CDKN3: variants seen among roughly 807,000 people sequenced by gnomAD.
CDKN3 encodes cyclin-dependent kinase inhibitor 3.
A neutral mutation model predicts 36.1 loss-of-function variants in CDKN3; 19 were observed. That is an observed-to-expected ratio of 0.53 (90% CI 0.37 to 0.77). The LOEUF (loss-of-function observed/expected upper bound fraction) is 0.77, where lower values mean the gene tolerates loss of function less well. Among genes scored for constraint, CDKN3 ranks in the 30% least tolerant of loss-of-function variants. CDKN3 has a pLI of 0.00. For synonymous variants in CDKN3, 71 were observed against 85.3 expected (o/e 0.83, Z 0.92); for missense variants, 188 against 248.6 (o/e 0.76, Z 1.64).
chr14:54,412,375 C>T (rs942958144), intron 5 of CDKN3, among the ~76,000 whole-genome samples: 10 of 114,838 alleles, frequency 8.7e-5, no homozygotes, highest in African/African-American at 2.9e-4. Flanking sequence ...ACAGGGAGAC[C>T]CCATCTAGAA....
intron 5 of CDKN3, chr14:54,413,525 A>T (rs903740641): frequency 2.0e-6 from 2 of 976,208 alleles, no homozygotes; most frequent in African/African-American, 3.2e-5. Flanking sequence ...TAGACAGTAG[A>T]TGGGTGACTT....
chr14:54,401,456 T>A (rs550260438), intron 2 of CDKN3, 68 bp from the exon 3 acceptor site: 2 of 1,080,670 alleles, frequency 1.9e-6, no homozygotes, highest in African/African-American at 1.6e-5. Flanking sequence ...CCATATTGAT[T>A]AAACTGAATT....
chr14:54,415,836 T>C, intron 5 of CDKN3, 63 bp from the exon 6 acceptor site: 1 of 1,170,042 alleles, frequency 8.5e-7, no homozygotes, highest in African/African-American at 1.5e-5. Flanking sequence ...AAAGAGCAAG[T>C]CTTTAGTTGT....
intron 5 of CDKN3, chr14:54,412,739 C>G: frequency 2.7e-6 from 1 of 371,776 alleles, no homozygotes. Flanking sequence ...AAGTGAAACA[C>G]ACAAAGCAAC....
intron 3 of CDKN3, among the ~76,000 whole-genome samples, chr14:54,408,151 A>G (rs902704118): frequency 6.6e-6 from 1 of 152,230 alleles, no homozygotes; most frequent in African/African-American, 2.4e-5. Context: ...TGCTGGTCAA[A>G]TGGTAGTTCT....
At chr14:54,416,807 C>T (rs1437721463) in intron 6 of CDKN3, among the ~76,000 whole-genome samples, 4 of 152,050 alleles carry the variant, frequency 2.6e-5, no homozygotes, top group African/African-American at 9.7e-5. Context: ...AAAGTGAGAT[C>T]GTCTCTCTCA....
Position 54,417,929 on chromosome 14 carries a change from C to A in CDKN3, c.530C>A (p.Ser177Tyr). 6.3e-7 allele frequency: 1 copy of A among 1,589,996 alleles called. No individual in the cohort carries two copies. Among genetic ancestry groups the A allele is most frequent in the Non-Finnish European group, 8.6e-7 (1 of 1,166,756 alleles). ...AIDSLRDLRG[S>Y]GAIQTIKQYN... Reference sequence around the variant, plus strand: ...GACAGCCTGCGAGACCTAAGAGGATCCGGGGCAATACAGACCATCAAGGTG... The same window carrying A: ...GACAGCCTGCGAGACCTAAGAGGATACGGGGCAATACAGACCATCAAGGTG... The change falls in exon 7 of 8, where the codon TCC (serine) becomes TAC (tyrosine). Residue 177 changes from serine (S) to tyrosine (Y), a missense_variant. Transcript: ENST00000335183.
rs2029939834 is a variant in CDKN3, at chr14:54,401,524, GCTAT to G, written c.96_99del (p.Ser33CysfsTer4). On this transcript the variant is annotated frameshift_variant and splice_region_variant, in exon 3 of 8. Transcript: ENST00000335183. LOFTEE classifies it high-confidence loss of function. ...CATGAAAAATTTTTCTTCTTTTCAG[GCTAT>G]CTTTGTCACGAGTGAATTGTTCTCA... 1.2e-6 allele frequency: 2 copies of G among 1,601,480 alleles called. No individual in the cohort carries two copies. The highest frequency in any genetic ancestry group is 1.7e-5 in the Admixed American group (1 of 59,166).
At chr14:54,416,440 T>C (rs1441974976) in intron 6 of CDKN3, among the ~76,000 whole-genome samples, 2 of 152,170 alleles carry the variant, frequency 1.3e-5, no homozygotes. Context: ...AGACTACCCA[T>C]AGAATGGGAA....
At chr14:54,416,622 A>G (rs920696583) in intron 6 of CDKN3, among the ~76,000 whole-genome samples, 1 of 152,090 alleles carries the variant, frequency 6.6e-6, no homozygotes, top group African/African-American at 2.4e-5. Flanking sequence ...TGAGAACAGC[A>G]TGAGCAACAT....
Position 54,420,138 on chromosome 14 carries a change from G to C in CDKN3, c.*60G>C. 4.2e-6 allele frequency: 4 copies of C among 962,444 alleles called. No homozygotes were observed. Among genetic ancestry groups the C allele is most frequent in the Non-Finnish European group, 6.5e-6 (4 of 613,758 alleles). The allele number at this position is 962,444 out of a possible 1,614,324, so 59.6% of individuals were successfully genotyped here. ...AAATGTCAGTTCTCTAGCATAATTT[G>C]TATTGAAATGAAACCACCAGTGTTA... On this transcript the variant is annotated 3_prime_UTR_variant, in exon 8 of 8. Transcript: ENST00000335183.
chr14:54,417,119 CAGT>C (rs2030578860), intron 6 of CDKN3, among the ~76,000 whole-genome samples: 1 of 152,212 alleles, frequency 6.6e-6, no homozygotes, highest in African/African-American at 2.4e-5. Context: ...AATAGTCTAG[CAGT>C]AGTTCTTCAA....
At chr14:54,411,175 T>TAA (rs1252179938) in intron 4 of CDKN3, 1 of 109,978 alleles carries the variant, frequency 9.1e-6, no homozygotes. Flanking sequence ...AGACTCCATC[T>TAA]CAAAAAAAAA....
At chr14:54,418,170 A>C (rs1268527387) in intron 7 of CDKN3, 1 of 704,092 alleles carries the variant, frequency 1.4e-6, no homozygotes, top group Non-Finnish European at 2.6e-6. Flanking sequence ...ACAGGATTTC[A>C]AACAAGATAA....
chr14:54,415,986 C>T, intron 6 of CDKN3, 56 bp downstream of exon 6: 1 of 1,223,596 alleles, frequency 8.2e-7, no homozygotes, highest in South Asian at 1.2e-5. Context: ...ACTTCTGTTT[C>T]CAGACCATAT....
At position 54,397,088 on chromosome 14, in the gene CDKN3, C is replaced by A; in HGVS notation, c.9+11C>A. ...CCAGCGATGAAGCCGGTGAGTCGGA[C>A]GTGCTGGGGTTTGGAGGAGCGAGGC... is the stretch of plus-strand genomic sequence containing the variant. On this transcript the variant is annotated intron_variant, in intron 1 of 7. Coordinates refer to ENST00000335183, the MANE Select transcript of CDKN3 (RefSeq NM_005192.4). The A allele has an allele frequency of 6.7e-7, 1 of 1,501,620 alleles. No homozygotes were observed. Among genetic ancestry groups the A allele is most frequent in the African/African-American group, 1.4e-5 (1 of 69,920 alleles). The allele number at this position is 1,501,620 out of a possible 1,614,324, so 93.0% of individuals were successfully genotyped here. A position where few individuals can be genotyped will look rare whatever the true frequency, so the allele number is the denominator to read the frequency against.
At chr14:54,414,461 A>C (rs1408698145) in intron 5 of CDKN3, among the ~76,000 whole-genome samples, 1 of 152,172 alleles carries the variant, frequency 6.6e-6, no homozygotes, top group Non-Finnish European at 1.5e-5. Context: ...AATTCATCAA[A>C]TAGAAGAAAA....
At chr14:54,408,602 T>C in intron 3 of CDKN3, 143 bp from the exon 4 acceptor site, 2 of 934,688 alleles carry the variant, frequency 2.1e-6, no homozygotes, top group Non-Finnish European at 3.1e-6. Flanking sequence ...ATATAAGAAA[T>C]TGAAATTCAT....
chr14:54,402,248 T>G (rs1324669890), intron 3 of CDKN3, among the ~76,000 whole-genome samples: 1 of 150,788 alleles, frequency 6.6e-6, no homozygotes, highest in Non-Finnish European at 1.5e-5. Flanking sequence ...TCCACCCGGG[T>G]TGCTGTGAAT....
Sources: gnomAD v4.1 joint callset for allele counts (sites outside exome capture counted in the v4.1 genomes callset) on GRCh38, gnomAD v4.1.1 for gene constraint, MANE v1.5 for transcripts, NCBI Gene and HGNC (gene_info 2026-07-23, HGNC 2026-07-21) for gene names.